The following NTNG1 variants were observed in gnomAD, a reference collection of about 807,000 sequenced individuals.
NTNG1 encodes netrin G1.
In NTNG1, 16 loss-of-function variants were observed where a neutral mutation model predicts 54.0. The ratio of observed to expected loss-of-function variants is 0.30; its 90% CI spans 0.20 to 0.45. The LOEUF is 0.45. Ranked by LOEUF, NTNG1 falls within the 20% of genes least tolerant of loss-of-function variation. The pLI, the probability that NTNG1 is intolerant of heterozygous loss-of-function variation, is 1.00. For synonymous variants in NTNG1, 255 were observed against 263.1 expected, an observed-to-expected ratio of 0.97 and a Z score of 0.30; for missense variants, 530 against 678.7, an observed-to-expected ratio of 0.78 and a Z score of 2.43.
intron 2 of NTNG1, among the ~76,000 whole-genome samples, chr1:107,214,679 C>T (rs1469244171): frequency 1.3e-5 from 2 of 152,064 alleles, no homozygotes; most frequent in African/African-American, 4.8e-5. Context: ...AATGGTAGAT[C>T]TGTTTTTAGT....
chr1:107,170,161 C>A (rs1656112019), intron 2 of NTNG1, among the ~76,000 whole-genome samples: 1 of 152,064 alleles, frequency 6.6e-6, no homozygotes, highest in African/African-American at 2.4e-5. Flanking sequence ...CGAGTTGATG[C>A]ATCAAAAAGA....
intron 2 of NTNG1, among the ~76,000 whole-genome samples, chr1:107,207,967 A>C (rs11801130): frequency 2.7e-3 from 405 of 152,216 alleles, no homozygotes; most frequent in African/African-American, 9.2e-3. Context: ...ACTCGCTACC[A>C]GGGACTCGTA....
At chr1:107,252,055 T>G (rs1195528383) in intron 2 of NTNG1, among the ~76,000 whole-genome samples, 1 of 152,194 alleles carries the variant, frequency 6.6e-6, no homozygotes, top group Non-Finnish European at 1.5e-5. Flanking sequence ...CTGCCTAAGT[T>G]CCTCATTTGT....
intron 2 of NTNG1, among the ~76,000 whole-genome samples, chr1:107,317,266 T>C (rs1667388543): frequency 6.6e-6 from 1 of 152,212 alleles, no homozygotes; most frequent in African/African-American, 2.4e-5. Flanking sequence ...GCTAACAGCC[T>C]ACTTTAGCTT....
At chr1:107,314,354 G>A (rs975982210) in intron 2 of NTNG1, among the ~76,000 whole-genome samples, 4 of 152,020 alleles carry the variant, frequency 2.6e-5, no homozygotes, top group South Asian at 2.1e-4. Context: ...AGCCAAGATC[G>A]CACCACTGCA....
At chr1:107,450,598 T>A (rs576902810) in intron 7 of NTNG1, among the ~76,000 whole-genome samples, 22 of 152,114 alleles carry the variant, frequency 1.4e-4, no homozygotes, top group Non-Finnish European at 2.6e-4. Flanking sequence ...AAAAGAAGGC[T>A]ACAAAATTAT....
intron 2 of NTNG1, among the ~76,000 whole-genome samples, chr1:107,279,747 T>A (rs1034222253): frequency 6.6e-6 from 1 of 152,162 alleles, no homozygotes. Flanking sequence ...GAAAACAGTA[T>A]TTCCTTGGCA....
intron 3 of NTNG1, among the ~76,000 whole-genome samples, chr1:107,346,704 G>T (rs565955067): frequency 6.6e-6 from 1 of 151,954 alleles, no homozygotes; most frequent in Non-Finnish European, 1.5e-5. Context: ...TTATTGCAAG[G>T]CACCCCCTAC....
At chr1:107,282,764 T>C (rs1481370525) in intron 2 of NTNG1, among the ~76,000 whole-genome samples, 1 of 152,162 alleles carries the variant, frequency 6.6e-6, no homozygotes, top group Non-Finnish European at 1.5e-5. Flanking sequence ...AGTTTCTAAA[T>C]GGTGCTTGTC....
At chr1:107,328,738 T>A (rs2101891140) in intron 3 of NTNG1, among the ~76,000 whole-genome samples, 1 of 152,240 alleles carries the variant, frequency 6.6e-6, no homozygotes, top group African/African-American at 2.4e-5. Flanking sequence ...AAATATAAAC[T>A]AAAAATTATT....
intron 7 of NTNG1, among the ~76,000 whole-genome samples, chr1:107,448,459 G>A (rs1430902534): frequency 6.6e-6 from 1 of 151,962 alleles, no homozygotes; most frequent in Non-Finnish European, 1.5e-5. Context: ...TCCCTCAATG[G>A]GTATGATCAG....
intron 3 of NTNG1, among the ~76,000 whole-genome samples, chr1:107,339,367 G>A (rs528049430): frequency 6.6e-6 from 1 of 152,066 alleles, no homozygotes; most frequent in African/African-American, 2.4e-5. Flanking sequence ...AGGAGACCCT[G>A]GCAACTGCCT....
intron 5 of NTNG1, among the ~76,000 whole-genome samples, chr1:107,427,881 A>T (rs1411475386): frequency 1.3e-5 from 2 of 152,178 alleles, no homozygotes; most frequent in Non-Finnish European, 2.9e-5. Context: ...ATAAATTGTT[A>T]ATGTCCCCAC....
rs946677786 is a variant in NTNG1 at position 107,483,098 on chromosome 1, T to C, written c.*2258T>C. On this transcript the variant is annotated 3_prime_UTR_variant, in exon 8 of 8. Transcript: ENST00000370068. The stretch of plus-strand genomic sequence containing the variant: ...TGATAACATAGGGAGTTTGAGATTA[T>C]TTATAATGAGGTGGATTTCTGATAT... 1 of 152,240 alleles carries C rather than the reference T, an allele frequency of 6.6e-6. No individual in the cohort carries two copies. The allele number at this position is 152,240 out of a possible 1,614,324, so 9.4% of individuals were successfully genotyped here. A position where few individuals can be genotyped will look rare whatever the true frequency, so the allele number is the denominator to read the frequency against.
intron 4 of NTNG1, among the ~76,000 whole-genome samples, chr1:107,397,992 T>C (rs762515534): frequency 2.0e-4 from 30 of 151,726 alleles, no homozygotes; most frequent in Non-Finnish European, 4.1e-4. Flanking sequence ...ACACACACAC[T>C]CACATGACTC....
chr1:107,470,703 C>A (rs1338916901), intron 7 of NTNG1, among the ~76,000 whole-genome samples: 1 of 152,212 alleles, frequency 6.6e-6, no homozygotes, highest in Non-Finnish European at 1.5e-5. Context: ...TCTTATTAAA[C>A]TAGACAAGTG....
At chr1:107,352,436 T>A (rs1459273621) in intron 3 of NTNG1, among the ~76,000 whole-genome samples, 1 of 152,038 alleles carries the variant, frequency 6.6e-6, no homozygotes, top group Non-Finnish European at 1.5e-5. Context: ...AATGGCCCTC[T>A]TCTGACAGAC....
At position 107,481,869 on chromosome 1, in the gene NTNG1, T is replaced by C. The variant is rs1047455150; in HGVS notation, c.*1029T>C. The stretch of plus-strand genomic sequence containing the variant: ...CTGCATAAACGATTTCAGGAATTTG[T>C]ATTGCAATTTCTTAAGATGAAAGGA... On this transcript the variant is annotated 3_prime_UTR_variant, in exon 8 of 8. Coordinates refer to ENST00000370068, the MANE Select transcript of NTNG1 (RefSeq NM_001113226.3). 6.6e-6 allele frequency: 1 copy of C among 152,536 alleles called. No individual in the cohort carries two copies. Among genetic ancestry groups the C allele is most frequent in the Non-Finnish European group, 1.5e-5 (1 of 68,030 alleles). 9.4% of individuals were successfully genotyped at this position (152,536 alleles called of 1,614,324 possible).
At chr1:107,413,341 G>A (rs1673966679) in intron 5 of NTNG1, among the ~76,000 whole-genome samples, 1 of 151,426 alleles carries the variant, frequency 6.6e-6, no homozygotes, top group South Asian at 2.1e-4. Context: ...TTTGTTTTTG[G>A]ATTTTTAGTA....
Sources: gnomAD v4.1 joint callset for allele counts (sites outside exome capture counted in the v4.1 genomes callset) on GRCh38, gnomAD v4.1.1 for gene constraint, MANE v1.5 for transcripts, NCBI Gene and HGNC (gene_info 2026-07-23, HGNC 2026-07-21) for gene names.